Variants in SCN3B observed in about 807,000 individuals in gnomAD.
SCN3B encodes the protein sodium channel regulatory subunit beta-3.
In SCN3B, 11 loss-of-function variants were observed where a neutral mutation model predicts 25.4. That is an observed-to-expected ratio of 0.43 (90% CI 0.27 to 0.72). The LOEUF is 0.72. Among genes scored for constraint, SCN3B ranks in the 30% least tolerant of loss-of-function variants. SCN3B has a pLI of 0.18. For missense variants in SCN3B, 218 were observed against 278.3 expected, an observed-to-expected ratio of 0.78 and a Z score of 1.54; for synonymous variants, 109 against 110.7, an observed-to-expected ratio of 0.99 and a Z score of 0.09.
At chr11:123,649,250 G>A (rs1367551905) in intron 2 of SCN3B, among the ~76,000 whole-genome samples, 1 of 152,222 alleles carries the variant, frequency 6.6e-6, no homozygotes, top group Non-Finnish European at 1.5e-5. Context: ...AGAGATAGAA[G>A]CATAGTTAGT....
rs770945404 is a variant in SCN3B at position 123,634,104 on chromosome 11, A to G, written c.*22+17T>C. 4.4e-6 allele frequency: 7 copies of G among 1,594,318 alleles called. No individual in the cohort carries two copies. Among genetic ancestry groups the G allele is most frequent in the Middle Eastern group, 1.7e-4 (1 of 6,048 alleles). On this transcript the variant is annotated intron_variant, in intron 6 of 6. Transcript: ENST00000299333. Reference sequence around the variant, plus strand: ...CCATCCACATCTGCCTTCCCCTCCCATGTTCCTGTAGGTCACCTCATGTCA... The same window carrying G: ...CCATCCACATCTGCCTTCCCCTCCCGTGTTCCTGTAGGTCACCTCATGTCA...
intron 4 of SCN3B, chr11:123,641,015 C>T (rs1266570214): frequency 6.6e-6 from 1 of 152,312 alleles, no homozygotes; most frequent in Non-Finnish European, 1.5e-5. Context: ...TGCCACACTT[C>T]CCACCAGCTA....
At chr11:123,649,464 T>C (rs911971112) in intron 2 of SCN3B, among the ~76,000 whole-genome samples, 2 of 152,194 alleles carry the variant, frequency 1.3e-5, no homozygotes, top group South Asian at 2.1e-4. Context: ...GAAGAGTACA[T>C]TGAAAAATGG....
chr11:123,636,360 T>C (rs1347543083), intron 5 of SCN3B, among the ~76,000 whole-genome samples: 2 of 152,212 alleles, frequency 1.3e-5, no homozygotes, highest in Non-Finnish European at 2.9e-5. Context: ...TAGATAATGA[T>C]AATTTAGTTT....
chr11:123,644,930 C>T (rs1439465608), intron 3 of SCN3B, among the ~76,000 whole-genome samples: 2 of 151,158 alleles, frequency 1.3e-5, no homozygotes, highest in African/African-American at 4.9e-5. Context: ...CCACCCAGAA[C>T]TGACACTGGC....
In SCN3B at chr11:123,645,466, T is replaced by A. The variant is rs1483375318; in HGVS notation, c.219+121A>T. The A allele has an allele frequency of 4.8e-6, 5 of 1,035,358 alleles. No homozygotes were observed. The East Asian group carries it at 1.2e-4, about 25-fold the overall frequency. 64.1% of individuals were successfully genotyped at this position (1,035,358 alleles called of 1,614,324 possible). On this transcript the variant is annotated intron_variant, in intron 3 of 6. Transcript: ENST00000299333. Reference sequence around the variant, plus strand: ...CTGTCAGTTATCTGCTGAGGATCTGTCAGTGTTTGGAAGAGAAGGAGCCAG... The same window carrying A: ...CTGTCAGTTATCTGCTGAGGATCTGACAGTGTTTGGAAGAGAAGGAGCCAG...
intron 3 of SCN3B, among the ~76,000 whole-genome samples, chr11:123,644,997 C>T (rs5023548): frequency 6.6e-6 from 1 of 151,562 alleles, no homozygotes. Flanking sequence ...CGAATCTCTT[C>T]GTTTCCAAAT....
chr11:123,653,674 G>A lies in SCN3B; in HGVS notation c.55+73C>T, dbSNP rs371993019. ...GCCAGAGCTCTTTTCTGTCACCAAC[G>A]ACATCAATGTGTTATTATTGTTAGC... On this transcript the variant is annotated intron_variant, in intron 2 of 6. Transcript: ENST00000299333. 2.5e-5 allele frequency: 38 copies of A among 1,539,522 alleles called. No individual in the cohort carries two copies. The African/African-American group carries it at 4.6e-4, about 19-fold the overall frequency.
intron 2 of SCN3B, among the ~76,000 whole-genome samples, chr11:123,650,023 A>G (rs1955906133): frequency 6.6e-6 from 1 of 152,178 alleles, no homozygotes; most frequent in South Asian, 2.1e-4. Flanking sequence ...CCTTCTTTCT[A>G]TGAAACCCTC....
intron 2 of SCN3B, among the ~76,000 whole-genome samples, chr11:123,652,127 T>C (rs1412201837): frequency 6.6e-6 from 1 of 152,148 alleles, no homozygotes; most frequent in Non-Finnish European, 1.5e-5. Flanking sequence ...GAAGAAAGTC[T>C]CTGCAGAGTC....
intron 5 of SCN3B, among the ~76,000 whole-genome samples, chr11:123,634,645 G>A (rs529759293): frequency 1.3e-5 from 2 of 152,370 alleles, no homozygotes; most frequent in East Asian, 3.9e-4. Flanking sequence ...GGGAGGCTGA[G>A]GTGGGAGGAT....
intron 5 of SCN3B, among the ~76,000 whole-genome samples, chr11:123,635,989 G>T (rs1230796690): frequency 6.6e-6 from 1 of 152,134 alleles, no homozygotes; most frequent in Non-Finnish European, 1.5e-5. Context: ...AATCTAATGG[G>T]CATTTTGATT....
intron 5 of SCN3B, 111 bp downstream of exon 5, chr11:123,638,075 T>C (rs1955749261): frequency 7.8e-7 from 1 of 1,274,704 alleles, no homozygotes; most frequent in South Asian, 1.3e-5. Context: ...TCTTAAGCAG[T>C]GATCATGAAG....
intron 2 of SCN3B, 106 bp downstream of exon 2, chr11:123,653,641 G>T: frequency 7.4e-7 from 1 of 1,348,222 alleles, no homozygotes; most frequent in South Asian, 1.2e-5. Flanking sequence ...ACGCACAGAG[G>T]CAAGCCAGCC....
chr11:123,629,544 G>A lies in SCN3B; in HGVS notation c.*4255C>T, dbSNP rs1410940958. On this transcript the variant is annotated 3_prime_UTR_variant, in exon 7 of 7. Coordinates refer to ENST00000299333, the MANE Select transcript of SCN3B (RefSeq NM_001040151.2). ...TGCAAACTCAACTAAGGGGGAGGAAGTGGGCTGAACTAATCATGAGCTGTC... is the reference window on the plus strand; with the variant it reads ...TGCAAACTCAACTAAGGGGGAGGAAATGGGCTGAACTAATCATGAGCTGTC... 1 of 152,330 alleles carries A rather than the reference G, an allele frequency of 6.6e-6. No homozygotes were observed. Among genetic ancestry groups the A allele is most frequent in the Non-Finnish European group, 1.5e-5 (1 of 68,108 alleles). The allele number at this position is 152,330 out of a possible 1,614,324, so 9.4% of individuals were successfully genotyped here.
chr11:123,641,093 G>A (rs1199476615), intron 4 of SCN3B: 1 of 152,384 alleles, frequency 6.6e-6, no homozygotes, highest in Non-Finnish European at 1.5e-5. Flanking sequence ...ACTGTGCTAA[G>A]GTCTGGCGGG....
intron 4 of SCN3B, among the ~76,000 whole-genome samples, chr11:123,641,429 T>C (rs775816617): frequency 3.3e-4 from 51 of 152,252 alleles, no homozygotes; most frequent in South Asian, 6.2e-4. Flanking sequence ...CTTCATTATT[T>C]TTATCACAAC....
Position 123,637,246 on chromosome 11 carries a change from C to T in SCN3B, c.584+940G>A, listed in dbSNP as rs370077042. ...CTGGACTTTAGAGGATTAGAGTCCC[C>T]ACTCTGGACATCTAAGCGCTGCCAG... On this transcript the variant is annotated intron_variant, in intron 5 of 6. Transcript: ENST00000299333. 1.1e-4 allele frequency among the ~76,000 whole-genome samples: 16 copies of T among 152,266 alleles called. No individual in the cohort carries two copies. The East Asian group carries it at 2.9e-3, about 28-fold the overall frequency.
chr11:123,647,257 C>T (rs1345790862), intron 2 of SCN3B, among the ~76,000 whole-genome samples: 1 of 152,094 alleles, frequency 6.6e-6, no homozygotes, highest in Non-Finnish European at 1.5e-5. Flanking sequence ...GAGAGGATTG[C>T]TTGATGTTAG....
Sources: gnomAD v4.1 joint callset for allele counts (sites outside exome capture counted in the v4.1 genomes callset) on GRCh38, gnomAD v4.1.1 for gene constraint, MANE v1.5 for transcripts, NCBI Gene and HGNC (gene_info 2026-07-23, HGNC 2026-07-21) for gene names.